Variants in ZMYM4 observed in about 807,000 individuals in gnomAD.
ZMYM4 encodes the protein zinc finger MYM-type protein 4.
A neutral mutation model predicts 183.2 loss-of-function variants in ZMYM4; 31 were observed. The observed-to-expected ratio is 0.17, with a 90% CI of 0.13 to 0.23. ZMYM4 has a LOEUF of 0.23. Ranked by LOEUF, ZMYM4 falls within the 10% of genes least tolerant of loss-of-function variation. The pLI is 1.00. For missense variants in ZMYM4, 1,273 were observed against 1,840.3 expected, an observed-to-expected ratio of 0.69 and a Z score of 5.64; for synonymous variants, 592 against 631.2, an observed-to-expected ratio of 0.94 and a Z score of 0.93.
Position 35,398,442 on chromosome 1 carries a change from C to A in ZMYM4, c.3229C>A (p.Leu1077Ile). ...CCAAACTTCTGAACACGAACTCTTTCTAGACACCAAGATATTTGAAAAAGG... is the reference window on the plus strand; with the variant it reads ...CCAAACTTCTGAACACGAACTCTTTATAGACACCAAGATATTTGAAAAAGG... ...ESQTSEHELF[L>I]DTKIFEKDQG... Residue 1077 changes from leucine to isoleucine, a missense_variant, in exon 21 of 30, where the codon CTA becomes ATA. This residue lies in a region of ZMYM4 where 290 missense variants were observed against 353.3 expected (regional missense o/e 0.82). Transcript: ENST00000314607. 6 of 1,611,550 alleles carry A rather than the reference C, an allele frequency of 3.7e-6. No homozygotes were observed. The highest frequency in any genetic ancestry group is 2.2e-5 in the East Asian group (1 of 44,744).
chr1:35,312,858 C>G (rs1641865164), intron 1 of ZMYM4, among the ~76,000 whole-genome samples: 1 of 151,980 alleles, frequency 6.6e-6, no homozygotes, highest in South Asian at 2.1e-4. Context: ...GTAGCTGGGA[C>G]AGGTGTTTGC....
intron 10 of ZMYM4, 50 bp from the exon 11 acceptor site, chr1:35,386,024 T>C (rs1644567669): frequency 3.0e-6 from 4 of 1,313,348 alleles, no homozygotes; most frequent in Non-Finnish European, 4.3e-6. Flanking sequence ...CTCATACTTT[T>C]GTGTACATTT....
At chr1:35,401,960 C>CTTTTTT (rs1371003697) in intron 23 of ZMYM4, among the ~76,000 whole-genome samples, 1 of 152,000 alleles carries the variant, frequency 6.6e-6, no homozygotes, top group East Asian at 1.9e-4. Flanking sequence ...GTTCTATTGA[C>CTTTTTT]TTATATGTCT....
At chr1:35,347,548 C>T (rs1270270969) in intron 2 of ZMYM4, among the ~76,000 whole-genome samples, 2 of 151,394 alleles carry the variant, frequency 1.3e-5, no homozygotes, top group Non-Finnish European at 2.9e-5. Flanking sequence ...TAAGGGGTAG[C>T]GTTAAAAATT....
chr1:35,369,914 T>C, intron 5 of ZMYM4, 115 bp from the exon 6 acceptor site: 2 of 612,848 alleles, frequency 3.3e-6, no homozygotes, highest in Non-Finnish European at 5.4e-6. Flanking sequence ...TTCTTACTAA[T>C]GTTTTAAACA....
chr1:35,306,252 A>G (rs916399239), intron 1 of ZMYM4, among the ~76,000 whole-genome samples: 1 of 152,150 alleles, frequency 6.6e-6, no homozygotes, highest in African/African-American at 2.4e-5. Context: ...TTTAAAAATT[A>G]TATCATTTAT....
chr1:35,320,795 GT>G (rs1642249582), intron 1 of ZMYM4, among the ~76,000 whole-genome samples: 2 of 152,318 alleles, frequency 1.3e-5, no homozygotes, highest in East Asian at 3.9e-4. Flanking sequence ...TCACTGAAAT[GT>G]TCTGTGTTGC....
At chr1:35,306,487 AC>A (rs1641539467) in intron 1 of ZMYM4, among the ~76,000 whole-genome samples, 1 of 151,742 alleles carries the variant, frequency 6.6e-6, no homozygotes, top group Admixed American at 6.6e-5. Context: ...CCTCTAACCT[AC>A]CTTCTTTTTG....
intron 25 of ZMYM4, among the ~76,000 whole-genome samples, chr1:35,406,546 G>A (rs1334188315): frequency 4.6e-5 from 7 of 152,106 alleles, no homozygotes; most frequent in South Asian, 2.1e-4. Context: ...AAAACAAAAA[G>A]CCGGGGAAGG....
At chr1:35,364,117 C>T (rs1252267990) in intron 5 of ZMYM4, among the ~76,000 whole-genome samples, 2 of 152,102 alleles carry the variant, frequency 1.3e-5, no homozygotes, top group African/African-American at 4.8e-5. Flanking sequence ...TATACTTATT[C>T]AGAATTATAA....
At chr1:35,377,606 TG>T (rs1427186438) in intron 7 of ZMYM4, among the ~76,000 whole-genome samples, 1 of 152,252 alleles carries the variant, frequency 6.6e-6, no homozygotes, top group African/African-American at 2.4e-5. Flanking sequence ...ATATCAAAGT[TG>T]TGTTTATACT....
rs1204250035 is a variant in ZMYM4, at chr1:35,420,081, G to A, written c.*404G>A. ...AATAGGCTACTTTGGCAAGCCCTCC[G>A]TAAAAGTCAGAGGAGAGATCAGTAC... On this transcript the variant is annotated 3_prime_UTR_variant, in exon 30 of 30. Coordinates refer to ENST00000314607, the MANE Select transcript of ZMYM4 (RefSeq NM_005095.3). The A allele has an allele frequency of 1.1e-5, 3 of 273,094 alleles. No individual in the cohort carries two copies. The highest frequency in any genetic ancestry group is 4.5e-5 in the South Asian group (1 of 22,258). The allele number at this position is 273,094 out of a possible 1,614,324, so 16.9% of individuals were successfully genotyped here. A position where few individuals can be genotyped will look rare whatever the true frequency, so the allele number is the denominator to read the frequency against.
At position 35,397,438 on chromosome 1, in the gene ZMYM4, T is replaced by C. The variant is rs1233948484; in HGVS notation, c.3092T>C (p.Ile1031Thr). ...AGTGAAGATAAAGTCACAGAGAGTA[T>C]TGAAGACATTAAAGAAAAGCTTCCC... ...MDSEDKVTES[I>T]EDIKEKLPTH... is the part of the protein sequence containing the mutation. Residue 1031 changes from isoleucine to threonine, a missense_variant, in exon 20 of 30, where the codon ATT becomes ACT. This residue lies in a region of ZMYM4 where 290 missense variants were observed against 353.3 expected (regional missense o/e 0.82). Coordinates refer to ENST00000314607, the MANE Select transcript of ZMYM4 (RefSeq NM_005095.3). The C allele has an allele frequency of 3.7e-6, 6 of 1,613,492 alleles. No individual in the cohort carries two copies. The highest frequency in any genetic ancestry group is 1.1e-5 in the South Asian group (1 of 90,956).
In ZMYM4 at chr1:35,334,999, T is replaced by G. The variant is rs560131425; in HGVS notation, c.85+9594T>G. ...AACTTACAATGTAAGATATATTTTATGAAAACGCTTAACCACTTAGCTTTT... is the reference window on the plus strand; with the variant it reads ...AACTTACAATGTAAGATATATTTTAGGAAAACGCTTAACCACTTAGCTTTT... On this transcript the variant is annotated intron_variant, in intron 2 of 29. Transcript: ENST00000314607. 3.9e-5 allele frequency among the ~76,000 whole-genome samples: 6 copies of G among 152,354 alleles called. No individual in the cohort carries two copies. The East Asian group carries it at 1.2e-3, about 29-fold the overall frequency.
chr1:35,290,267 C>G (rs1211503038), intron 1 of ZMYM4, among the ~76,000 whole-genome samples: 4 of 152,188 alleles, frequency 2.6e-5, no homozygotes, highest in African/African-American at 9.6e-5. Flanking sequence ...CTCTCCTGGA[C>G]TGACTTTCCA....
intron 2 of ZMYM4, among the ~76,000 whole-genome samples, chr1:35,338,896 C>T (rs1408023009): frequency 6.6e-6 from 1 of 152,190 alleles, no homozygotes; most frequent in East Asian, 1.9e-4. Flanking sequence ...ACTTCTCATT[C>T]ATCTCTTATG....
At chr1:35,282,842 C>G (rs888989871) in intron 1 of ZMYM4, among the ~76,000 whole-genome samples, 1 of 152,160 alleles carries the variant, frequency 6.6e-6, no homozygotes, top group African/African-American at 2.4e-5. Context: ...AGGTGTGAGC[C>G]ACCATGCCCA....
chr1:35,304,214 T>TG (rs2148758655), intron 1 of ZMYM4, among the ~76,000 whole-genome samples: 2 of 151,946 alleles, frequency 1.3e-5, no homozygotes, highest in East Asian at 3.9e-4. Flanking sequence ...TTAGTAGAGA[T>TG]GGGGTTTCAC....
At chr1:35,364,221 G>C (rs191292089) in intron 5 of ZMYM4, among the ~76,000 whole-genome samples, 2 of 152,316 alleles carry the variant, frequency 1.3e-5, no homozygotes, top group East Asian at 1.9e-4. Flanking sequence ...GATTGGACTT[G>C]AGAATTAAGC....
Sources: gnomAD v4.1 joint callset for allele counts (sites outside exome capture counted in the v4.1 genomes callset) on GRCh38, gnomAD v4.1.1 for gene constraint, gnomAD v4.1.1 regional missense constraint, MANE v1.5 for transcripts, NCBI Gene and HGNC (gene_info 2026-07-23, HGNC 2026-07-21) for gene names.